TRAF3IP3: variants seen among roughly 807,000 people sequenced by gnomAD.
TRAF3IP3 encodes TRAF3-interacting JNK-activating modulator.
Under a neutral mutation model 86.5 loss-of-function variants are expected in TRAF3IP3, and 64 were observed. The observed-to-expected ratio is 0.74, with a 90% CI of 0.60 to 0.91. The LOEUF (loss-of-function observed/expected upper bound fraction) is 0.91, where lower values mean the gene tolerates loss of function less well. Ranked by LOEUF, TRAF3IP3 falls within the 40% of genes least tolerant of loss-of-function variation. The pLI is 0.00. For missense variants in TRAF3IP3, 579 were observed against 642.9 expected, an observed-to-expected ratio of 0.90 and a Z score of 1.07; for synonymous variants, 220 against 243.9, an observed-to-expected ratio of 0.90 and a Z score of 0.91.
chr1:209,770,655 G>A (rs1332915863), intron 8 of TRAF3IP3, among the ~76,000 whole-genome samples: 7 of 145,534 alleles, frequency 4.8e-5, no homozygotes, highest in Non-Finnish European at 1.1e-4. Flanking sequence ...ACATGTGCAT[G>A]TGAAGGTGTG....
intron 2 of TRAF3IP3, 24 bp from the exon 3 acceptor site, chr1:209,759,958 C>A: frequency 1.7e-6 from 2 of 1,197,074 alleles, no homozygotes; most frequent in Non-Finnish European, 2.4e-6. Context: ...CCCTCCCCTT[C>A]TCCTCCCTCT....
chr1:209,779,257 A>G, intron 13 of TRAF3IP3, 58 bp from the exon 14 acceptor site: 1 of 1,497,494 alleles, frequency 6.7e-7, no homozygotes, highest in Non-Finnish European at 9.2e-7. Context: ...AGTTCTGAAA[A>G]GAAAACTTTT....
In TRAF3IP3 at chr1:209,774,522, G is replaced by A. The variant is rs1439400128; in HGVS notation, c.775-827G>A. Among the ~76,000 whole-genome samples the A allele has an allele frequency of 2.6e-4, 40 of 152,214 alleles. 1 individual carries two copies. Among genetic ancestry groups the A allele is most frequent in the Non-Finnish European group, 2.9e-5 (2 of 68,038 alleles). The stretch of plus-strand genomic sequence containing the variant: ...CTGATGATACTGGACTGAATCTTGA[G>A]TATTAGTAGAAGTTAACTGGCTGTA... On this transcript the variant is annotated intron_variant, in intron 9 of 16. Coordinates refer to ENST00000367025, the MANE Select transcript of TRAF3IP3 (RefSeq NM_025228.4).
At chr1:209,771,539 G>A (rs1364427909) in intron 8 of TRAF3IP3, among the ~76,000 whole-genome samples, 3 of 146,366 alleles carry the variant, frequency 2.0e-5, no homozygotes, top group South Asian at 2.2e-4. Context: ...GTGGAGGTAC[G>A]TGTATGCAGG....
chr1:209,767,661 C>T (rs564780895), intron 8 of TRAF3IP3, among the ~76,000 whole-genome samples: 5 of 149,934 alleles, frequency 3.3e-5, no homozygotes, highest in African/African-American at 1.2e-4. Flanking sequence ...GGTAACAGAG[C>T]AAGACCCTGT....
intron 8 of TRAF3IP3, chr1:209,768,150 T>C: frequency 1.0e-6 from 1 of 985,428 alleles, no homozygotes; most frequent in Non-Finnish European, 1.2e-6. Context: ...CTGGGAAAAA[T>C]AATTGGAAGA....
At chr1:209,762,193 T>G (rs1290622448) in intron 3 of TRAF3IP3, among the ~76,000 whole-genome samples, 1 of 152,202 alleles carries the variant, frequency 6.6e-6, no homozygotes, top group African/African-American at 2.4e-5. Flanking sequence ...CTCTTCCCAC[T>G]ATGCAGATGG....
In TRAF3IP3 at chr1:209,760,167, G is replaced by T. The variant is rs368107878; in HGVS notation, c.128G>T (p.Arg43Leu). ...TGCCGTCCCAATGTGACCACTTGCC[G>T]CCAGGTGGGGAAGACGCTGAGGATC... ...RRCRPNVTTCRQVGKTLRIQQ... is the reference protein window; with the variant it reads ...RRCRPNVTTCLQVGKTLRIQQ... The change falls in exon 3 of 17, where the codon CGC becomes CTC. Residue 43 changes from arginine (R) to leucine (L), a missense_variant. Arg to Leu is a moderately radical substitution (Grantham distance 102). Transcript: ENST00000367025. The T allele has an allele frequency of 2.5e-6, 4 of 1,614,222 alleles. No individual in the cohort carries two copies. Among genetic ancestry groups the T allele is most frequent in the South Asian group, 1.1e-5 (1 of 91,088 alleles).
intron 6 of TRAF3IP3, 37 bp from the exon 7 acceptor site, chr1:209,763,326 T>C: frequency 6.2e-7 from 1 of 1,609,974 alleles, no homozygotes; most frequent in South Asian, 1.1e-5. Flanking sequence ...TCAGGGGACT[T>C]ACAGACATTT....
At chr1:209,759,925 C>G in intron 2 of TRAF3IP3, 57 bp from the exon 3 acceptor site, 1 of 817,976 alleles carries the variant, frequency 1.2e-6, no homozygotes, top group Non-Finnish European at 2.0e-6. Flanking sequence ...GGGAGATAGT[C>G]ATTTTTCTGC....
At chr1:209,777,555 T>C (rs1271156109) in intron 12 of TRAF3IP3, 68 bp downstream of exon 12, 5 of 1,482,962 alleles carry the variant, frequency 3.4e-6, no homozygotes, top group East Asian at 2.3e-5. Flanking sequence ...AAAAAGAAAC[T>C]GAATTAAGAG....
chr1:209,757,889 G>T (rs1320208070), intron 1 of TRAF3IP3, among the ~76,000 whole-genome samples: 1 of 152,182 alleles, frequency 6.6e-6, no homozygotes, highest in African/African-American at 2.4e-5. Flanking sequence ...GCAGGTCCTA[G>T]CCCCATTTTA....
chr1:209,768,281 C>A (rs1365928337), intron 8 of TRAF3IP3: 2 of 985,314 alleles, frequency 2.0e-6, no homozygotes, highest in Non-Finnish European at 2.4e-6. Flanking sequence ...AGGATCAGCT[C>A]CCTCCGCTGG....
rs1184992827 is a variant in TRAF3IP3, at chr1:209,756,066, G to A, written c.-403G>A. On this transcript the variant is annotated 5_prime_UTR_variant, in exon 1 of 17. Coordinates refer to ENST00000367025, the MANE Select transcript of TRAF3IP3 (RefSeq NM_025228.4). ...AGGGGCCCACTTAGATGATACCAGA[G>A]AGCAAGAGAGAGGAACTGGGGTTTG... 2 of 152,266 alleles carry A rather than the reference G, an allele frequency of 1.3e-5. No individual in the cohort carries two copies. Among genetic ancestry groups the A allele is most frequent in the Non-Finnish European group, 2.9e-5 (2 of 68,084 alleles). The allele number at this position is 152,266 out of a possible 1,614,324, so 9.4% of individuals were successfully genotyped here.
intron 13 of TRAF3IP3, 139 bp from the exon 14 acceptor site, chr1:209,779,176 T>C: frequency 1.5e-6 from 1 of 649,518 alleles, no homozygotes; most frequent in East Asian, 2.7e-5. Context: ...GACTTCAACA[T>C]ATATATTCTG....
intron 9 of TRAF3IP3, 94 bp from the exon 10 acceptor site, chr1:209,775,255 G>A: frequency 4.7e-6 from 6 of 1,285,148 alleles, no homozygotes; most frequent in Middle Eastern, 2.2e-4. Context: ...TCTGCCTGGG[G>A]GAAGAACCAA....
At chr1:209,780,417 C>G (rs2077750575) in intron 14 of TRAF3IP3, 53 bp from the exon 15 acceptor site, 1 of 1,443,378 alleles carries the variant, frequency 6.9e-7, no homozygotes, top group African/African-American at 1.4e-5. Context: ...CCTCAGGGCC[C>G]TTCCTCAGAG....
chr1:209,770,468 G>GGT (rs34097069), intron 8 of TRAF3IP3, among the ~76,000 whole-genome samples: 1 of 142,852 alleles, frequency 7.0e-6, no homozygotes, highest in African/African-American at 2.7e-5. Flanking sequence ...TGCATGTGGA[G>GGT]GTGTGTGTGT....
intron 11 of TRAF3IP3, chr1:209,776,062 A>G (rs1309759875): frequency 4.6e-6 from 1 of 217,286 alleles, no homozygotes; most frequent in East Asian, 1.0e-4. Flanking sequence ...CCATCCCAAA[A>G]AAGCATCCAG....
Sources: gnomAD v4.1 joint callset for allele counts (sites outside exome capture counted in the v4.1 genomes callset) on GRCh38, gnomAD v4.1.1 for gene constraint, MANE v1.5 for transcripts, NCBI Gene and HGNC (gene_info 2026-07-23, HGNC 2026-07-21) for gene names.